Variants in FAM153A observed in about 807,000 individuals in gnomAD.
FAM153A encodes the protein protein FAM153A.
FAM153A carries 12 observed loss-of-function variants against 48.1 expected under a neutral mutation model. That is an observed-to-expected ratio of 0.25 (90% CI 0.16 to 0.40). The LOEUF (loss-of-function observed/expected upper bound fraction) is 0.40. FAM153A is among the 10% of genes least tolerant of loss of function. The pLI, the probability that FAM153A is intolerant of heterozygous loss-of-function variation, is 1.00. For missense variants in FAM153A, 111 were observed against 345.8 expected (o/e 0.32, Z 5.38); for synonymous variants, 36 against 118.2 (o/e 0.30, Z 4.51).
At chr5:177,702,859 G>A in the FAM153A span, among the ~76,000 whole-genome samples, 4 of 151,880 alleles carry the variant, frequency 2.6e-5, 1 homozygote, top group African/African-American at 9.7e-5. Context: ...GACTCTGCCT[G>A]TATTTCAGAG....
intron 18 of FAM153A, among the ~76,000 whole-genome samples, chr5:177,727,142 G>A (rs1762740262): frequency 6.6e-6 from 1 of 150,552 alleles, no homozygotes. Context: ...TGGCAGAGTG[G>A]TTTGCTGCTG....
chr5:177,779,049 A>G (rs1313001441), intron 1 of FAM153A, among the ~76,000 whole-genome samples: 53 of 150,498 alleles, frequency 3.5e-4, no homozygotes, highest in East Asian at 1.6e-3. Flanking sequence ...CTGGAAAAAA[A>G]CATAACCATT....
chr5:177,755,405 C>T (rs1007251098), upstream of FAM153A, among the ~76,000 whole-genome samples: 2 of 151,868 alleles, frequency 1.3e-5, no homozygotes, highest in African/African-American at 4.9e-5. Flanking sequence ...AGTTGGAAAA[C>T]ACTCTGCAGG....
chr5:177,779,488 T>C (rs1418362231), intron 1 of FAM153A: 1 of 101,202 alleles, frequency 9.9e-6, no homozygotes, highest in Non-Finnish European at 2.1e-5. Flanking sequence ...GGGTGCACAC[T>C]GGTTCACTTT....
chr5:177,696,926 G>C, the FAM153A span, among the ~76,000 whole-genome samples: 3 of 151,628 alleles, frequency 2.0e-5, no homozygotes, highest in African/African-American at 7.3e-5. Context: ...GGCTATTCTA[G>C]GTTATTTGTA....
chr5:177,770,197 G>GT (rs1769038939), intron 1 of FAM153A, among the ~76,000 whole-genome samples: 1 of 112,640 alleles, frequency 8.9e-6, no homozygotes, highest in Non-Finnish European at 1.8e-5. Context: ...TGTGATTCCA[G>GT]TTTTTTAAAG....
intron 6 of FAM153A, among the ~76,000 whole-genome samples, chr5:177,743,507 C>T (rs1765647667): frequency 8.3e-6 from 1 of 120,738 alleles, no homozygotes; most frequent in East Asian, 2.6e-4. Flanking sequence ...CATTCTGGGC[C>T]CCATTATCTT....
At chr5:177,705,692 G>A (rs544110739), downstream of FAM153A, among the ~76,000 whole-genome samples, 6 of 80,770 alleles carry the variant, frequency 7.4e-5, no homozygotes, top group South Asian at 2.4e-3. Flanking sequence ...ATGAAGTCTT[G>A]CTTGTCACCC....
chr5:177,716,659 T>C (rs1176623982), intron 24 of FAM153A, among the ~76,000 whole-genome samples: 1 of 151,866 alleles, frequency 6.6e-6, no homozygotes, highest in Non-Finnish European at 1.5e-5. Flanking sequence ...AAATAGTCAC[T>C]ATTTAGTAAA....
At chr5:177,753,222 A>T (rs555696831), upstream of FAM153A, 7 of 1,607,974 alleles carry the variant, frequency 4.4e-6, no homozygotes, top group East Asian at 1.6e-4. Flanking sequence ...GTCCTCTGAG[A>T]CAACTAAGCT....
rs532108694 is a variant in FAM153A at position 177,729,339 on chromosome 5, G to T, written c.933+146C>A. The T allele has an allele frequency of 9.9e-5, 114 of 1,148,334 alleles. 18 individuals carry two copies. The African/African-American group carries it at 1.8e-3, about 18-fold the overall frequency. 71.1% of individuals were successfully genotyped at this position (1,148,334 alleles called of 1,614,324 possible). On this transcript the variant is annotated intron_variant, in intron 17 of 20. Transcript: ENST00000614127. ...TGCCATCTGAAACCACTGTTTAGTT[G>T]ATAATGAACTCTGGCATTTGCCCAC...
At chr5:177,737,682 A>C (rs553118808) in intron 10 of FAM153A, among the ~76,000 whole-genome samples, 3 of 150,604 alleles carry the variant, frequency 2.0e-5, no homozygotes, top group Non-Finnish European at 4.4e-5. Flanking sequence ...CACCATGCCC[A>C]GTTAATTCTG....
At chr5:177,710,389 G>A (rs1758306481), downstream of FAM153A, among the ~76,000 whole-genome samples, 1 of 151,770 alleles carries the variant, frequency 6.6e-6, no homozygotes, top group Non-Finnish European at 1.5e-5. Flanking sequence ...TGGAATTACA[G>A]GAATGAGCCA....
At chr5:177,703,012 G>A (rs542118988), downstream of FAM153A, among the ~76,000 whole-genome samples, 142 of 152,146 alleles carry the variant, frequency 9.3e-4, 2 homozygotes, top group African/African-American at 3.2e-3. Context: ...GATTTCCCAC[G>A]CAGAGTCCCC....
At chr5:177,734,101 T>A (rs1764306167) in intron 14 of FAM153A, among the ~76,000 whole-genome samples, 1 of 122,234 alleles carries the variant, frequency 8.2e-6, no homozygotes, top group South Asian at 2.9e-4. Context: ...ACCCCCAGAC[T>A]CACTGACCAC....
chr5:177,757,275 A>G (rs1240365832), upstream of FAM153A, among the ~76,000 whole-genome samples: 3 of 107,316 alleles, frequency 2.8e-5, no homozygotes, highest in African/African-American at 7.4e-5. Flanking sequence ...ACAAGACTAA[A>G]CCAGGAGGAA....
At chr5:177,715,220 G>C (rs986101065) in intron 25 of FAM153A, among the ~76,000 whole-genome samples, 3 of 151,798 alleles carry the variant, frequency 2.0e-5, no homozygotes, top group African/African-American at 7.3e-5. Context: ...CTGACCTTGT[G>C]ATCCGTCTGC....
At chr5:177,701,395 C>G in the FAM153A span, among the ~76,000 whole-genome samples, 1 of 151,674 alleles carries the variant, frequency 6.6e-6, no homozygotes, top group African/African-American at 2.4e-5. Flanking sequence ...GAAACTTCAT[C>G]TCTACTAACA....
chr5:177,740,502 T>C (rs1765302423), intron 8 of FAM153A: 1 of 183,110 alleles, frequency 5.5e-6, no homozygotes, highest in Admixed American at 8.1e-5. Context: ...GTGTATTGGA[T>C]GTGTGGGCTG....
Sources: gnomAD v4.1 joint callset for allele counts (sites outside exome capture counted in the v4.1 genomes callset) on GRCh38, gnomAD v4.1.1 for gene constraint, MANE v1.5 for transcripts, NCBI Gene and HGNC (gene_info 2026-07-23, HGNC 2026-07-21) for gene names.